The following ERICH5 variants were observed in gnomAD, a reference collection of about 807,000 sequenced individuals.
The protein encoded by ERICH5 is glutamate-rich protein 5.
In ERICH5, 24 loss-of-function variants were observed where a neutral mutation model predicts 28.0. The ratio of observed to expected loss-of-function variants is 0.86; its 90% confidence interval spans 0.62 to 1.21. The LOEUF (loss-of-function observed/expected upper bound fraction) is 1.21, where lower values mean the gene tolerates loss of function less well. ERICH5 is among the 50% of genes most tolerant of loss of function. The pLI, the probability that ERICH5 is intolerant of heterozygous loss-of-function variation, is 0.00. For synonymous variants in ERICH5, 163 were observed against 157.6 expected, an observed-to-expected ratio of 1.03 and a Z score of -0.25; for missense variants, 421 against 441.2, an observed-to-expected ratio of 0.95 and a Z score of 0.41.
At chr8:98,079,645 T>C (rs1429747014) in intron 1 of ERICH5, among the ~76,000 whole-genome samples, 1 of 152,208 alleles carries the variant, frequency 6.6e-6, no homozygotes, top group East Asian at 1.9e-4. Flanking sequence ...GTTCAAGTGA[T>C]TCTCCTGCCT....
At chr8:98,091,933 C>CTTTCT in intron 2 of ERICH5, among the ~76,000 whole-genome samples, 3 of 46,074 alleles carry the variant, frequency 6.5e-5, no homozygotes, top group African/African-American at 1.7e-4. Flanking sequence ...TTCTTTCTTT[C>CTTTCT]TTCCTTTCTT....
In ERICH5 at chr8:98,091,900, C is replaced by CTTTCTTTCTTTCTTTT; in HGVS notation, c.1013-1321_1013-1320insTTTCTTTCTTTCTTTT. 2.5e-4 allele frequency among the ~76,000 whole-genome samples: 19 copies of CTTTCTTTCTTTCTTTT among 74,708 alleles called. 1 individual carries two copies. The highest frequency in any genetic ancestry group is 2.3e-3 in the Admixed American group (16 of 6,826). 49.0% of individuals were successfully genotyped at this position (74,708 alleles called of 152,430 possible). On this transcript the variant is annotated intron_variant, in intron 2 of 2. Coordinates refer to ENST00000318528, the MANE Select transcript of ERICH5 (RefSeq NM_173549.3). Reference sequence around the variant, plus strand: ...TCTTTCTTTCTTTCTTTCTTTCTTTCCTTTCTTTCTTTCTTTCTTCCTTTC... The same window carrying CTTTCTTTCTTTCTTTT: ...TCTTTCTTTCTTTCTTTCTTTCTTTCTTTCTTTCTTTCTTTTCTTTCTTTCTTTCTTTCTTCCTTTC...
chr8:98,079,592 T>C (rs984163226), intron 1 of ERICH5, among the ~76,000 whole-genome samples: 1 of 152,226 alleles, frequency 6.6e-6, no homozygotes, highest in African/African-American at 2.4e-5. Flanking sequence ...CAGGCTGGAG[T>C]GCAGTGGCGC....
At chr8:98,077,034 A>G (rs1815067255) in intron 1 of ERICH5, among the ~76,000 whole-genome samples, 2 of 152,068 alleles carry the variant, frequency 1.3e-5, no homozygotes, top group Admixed American at 1.3e-4. Flanking sequence ...AGGCCAACGC[A>G]GGAGGATCGC....
intron 1 of ERICH5, among the ~76,000 whole-genome samples, chr8:98,079,909 A>G (rs971488355): frequency 9.2e-5 from 14 of 152,250 alleles, no homozygotes; most frequent in African/African-American, 3.1e-4. Flanking sequence ...TTGTAGGTCA[A>G]CACTGACAAC....
At chr8:98,065,585 AG>A in intron 1 of ERICH5, among the ~76,000 whole-genome samples, 1 of 152,380 alleles carries the variant, frequency 6.6e-6, no homozygotes, top group African/African-American at 2.4e-5. Context: ...CAATTGGCTA[AG>A]ATCGTTTCTG....
At chr8:98,091,300 C>A (rs1815378093) in intron 2 of ERICH5, among the ~76,000 whole-genome samples, 1 of 152,108 alleles carries the variant, frequency 6.6e-6, no homozygotes, top group Non-Finnish European at 1.5e-5. Context: ...TGCTGAGATG[C>A]AGACTGAGGA....
chr8:98,064,845 C>G, intron 1 of ERICH5, 118 bp downstream of exon 1: 1 of 727,214 alleles, frequency 1.4e-6, no homozygotes, highest in South Asian at 2.8e-5. Flanking sequence ...CGGGCCTTGT[C>G]CCGGAGGATG....
chr8:98,079,776 G>C lies in ERICH5; in HGVS notation c.59-9300G>C, dbSNP rs182338211. Among the ~76,000 whole-genome samples the C allele has an allele frequency of 1.4e-4, 21 of 152,264 alleles. No individual in the cohort carries two copies. The East Asian group carries it at 4.1e-3, about 29-fold the overall frequency. Reference sequence around the variant, plus strand: ...TCTGGTCTCGAACTCCTGACCTCGGGTGATCCACCTGCCTTAGCCTCCCAA... The same window carrying C: ...TCTGGTCTCGAACTCCTGACCTCGGCTGATCCACCTGCCTTAGCCTCCCAA... On this transcript the variant is annotated intron_variant, in intron 1 of 2. Coordinates refer to ENST00000318528, the MANE Select transcript of ERICH5 (RefSeq NM_173549.3).
intron 1 of ERICH5, among the ~76,000 whole-genome samples, chr8:98,087,167 C>G (rs62523603): frequency 1.3e-5 from 2 of 151,852 alleles, no homozygotes; most frequent in Admixed American, 1.3e-4. Flanking sequence ...ACTCGAACCA[C>G]GTGGGACCAC....
In ERICH5 at chr8:98,089,662, C is replaced by T; in HGVS notation, c.645C>T (p.Ala215=). The T allele has an allele frequency of 6.2e-7, 1 of 1,614,032 alleles. No individual in the cohort carries two copies. Among genetic ancestry groups the T allele is most frequent in the Non-Finnish European group, 8.5e-7 (1 of 1,180,004 alleles). Residue 215 remains alanine (A), a synonymous_variant, in exon 2 of 3, where the codon GCC becomes GCT. Transcript: ENST00000318528. ...PQGTVGKDEQ[A]PLLETISKEN... ...GCACAGTGGGAAAGGATGAGCAGGC[C>T]CCGCTTCTAGAAACAATTTCCAAAG...
At chr8:98,073,547 A>AT (rs3075369) in intron 1 of ERICH5, among the ~76,000 whole-genome samples, 4,688 of 22,892 alleles carry the variant, frequency 0.2, 1,499 homozygotes, top group East Asian at 0.35. Context: ...TATATATATA[A>AT]TTTTTTTTTT....
intron 1 of ERICH5, among the ~76,000 whole-genome samples, chr8:98,079,443 G>C (rs1815131106): frequency 6.6e-6 from 1 of 152,066 alleles, no homozygotes; most frequent in Non-Finnish European, 1.5e-5. Flanking sequence ...CCAGCAAACA[G>C]AATGAAACAT....
At chr8:98,092,024 T>TTCCTTCCTTCCTTCCTTCCTTCC (rs1815418716) in intron 2 of ERICH5, among the ~76,000 whole-genome samples, 2 of 147,202 alleles carry the variant, frequency 1.4e-5, no homozygotes, top group African/African-American at 5.1e-5. Context: ...CCTTCCTTCC[T>TTCCTTCCTTCCTTCCTTCCTTCC]TTCGAGACAA....
chr8:98,065,383 T>A (rs1041776018), intron 1 of ERICH5, among the ~76,000 whole-genome samples: 1 of 152,222 alleles, frequency 6.6e-6, no homozygotes, highest in African/African-American at 2.4e-5. Flanking sequence ...TTCCCCTATC[T>A]TCGGCTTAAG....
At chr8:98,070,155 T>G (rs1329077127) in intron 1 of ERICH5, among the ~76,000 whole-genome samples, 1 of 152,116 alleles carries the variant, frequency 6.6e-6, no homozygotes, top group Non-Finnish European at 1.5e-5. Flanking sequence ...CCCTGTTCTT[T>G]TCACAACTTC....
chr8:98,076,672 G>A (rs1478324292), intron 1 of ERICH5, among the ~76,000 whole-genome samples: 1 of 152,132 alleles, frequency 6.6e-6, no homozygotes, highest in East Asian at 1.9e-4. Context: ...TATTCATATA[G>A]GATTGTTCAA....
intron 2 of ERICH5, among the ~76,000 whole-genome samples, chr8:98,091,920 C>CTTTCTTTCTTT (rs1815408893): frequency 1.5e-4 from 4 of 26,768 alleles, no homozygotes; most frequent in African/African-American, 2.5e-4. Flanking sequence ...TTTCTTTCTT[C>CTTTCTTTCTTT]CTTTCTTTCT....
rs769042472 is a variant in ERICH5 at position 98,070,660 on chromosome 8, C to CAAAAAAAAAAAAAAAAAAAAAAAA, written c.58+5955_58+5956insAAAAAAAAAAAAAAAAAAAAAAAA. ...GGGCAACAAGAGTGAAACTGCATCT[C>CAAAAAAAAAAAAAAAAAAAAAAAA]AAAAAAAAAAAAAAAAAAAAAAGAA... On this transcript the variant is annotated intron_variant, in intron 1 of 2. Transcript: ENST00000318528. 9.6e-4 allele frequency among the ~76,000 whole-genome samples: 37 copies of CAAAAAAAAAAAAAAAAAAAAAAAA among 38,726 alleles called. 3 individuals are homozygous for CAAAAAAAAAAAAAAAAAAAAAAAA. The highest frequency in any genetic ancestry group is 1.2e-3 in the Non-Finnish European group (24 of 19,410). The allele number at this position is 38,726 out of a possible 152,430, so 25.4% of individuals were successfully genotyped here. A position where few individuals can be genotyped will look rare whatever the true frequency, so the allele number is the denominator to read the frequency against.
Sources: allele counts gnomAD v4.1 joint callset (sites outside exome capture counted in the v4.1 genomes callset), GRCh38; gene constraint gnomAD v4.1.1; transcripts MANE v1.5; gene names NCBI Gene and HGNC (gene_info 2026-07-23, HGNC 2026-07-21).